Variants in PLA2G4A observed in about 807,000 individuals in gnomAD.
PLA2G4A encodes phospholipase A2 group IVA.
PLA2G4A carries 40 observed loss-of-function variants against 81.9 expected under a neutral mutation model. The ratio of observed to expected loss-of-function variants is 0.49; its 90% confidence interval spans 0.38 to 0.64. PLA2G4A has a LOEUF of 0.64. Among genes scored for constraint, PLA2G4A ranks in the 30% least tolerant of loss-of-function variants. The pLI, the probability that PLA2G4A is intolerant of heterozygous loss-of-function variation, is 0.00. For missense variants in PLA2G4A, 715 were observed against 905.1 expected, an observed-to-expected ratio of 0.79 and a Z score of 2.69; for synonymous variants, 302 against 296.9, an observed-to-expected ratio of 1.02 and a Z score of -0.18.
At chr1:186,874,140 GC>G (rs1159007712) in intron 3 of PLA2G4A, among the ~76,000 whole-genome samples, 1 of 152,090 alleles carries the variant, frequency 6.6e-6, no homozygotes, top group African/African-American at 2.4e-5. Flanking sequence ...CATGTTGGGT[GC>G]TAAATGTTGG....
intron 17 of PLA2G4A, among the ~76,000 whole-genome samples, chr1:186,982,684 CGT>C (rs944149124): frequency 1.0e-3 from 35 of 35,120 alleles, no homozygotes; most frequent in Non-Finnish European, 1.7e-3. Context: ...TGTGTGTGTG[CGT>C]GTGTGTGTGT....
intron 1 of PLA2G4A, among the ~76,000 whole-genome samples, chr1:186,847,130 A>G (rs1232400223): frequency 1.1e-5 from 1 of 91,146 alleles, no homozygotes; most frequent in Admixed American, 1.4e-4. Context: ...TTTGAACAAT[A>G]TAATATTTAT....
chr1:186,848,129 C>A (rs947799759), intron 1 of PLA2G4A, among the ~76,000 whole-genome samples: 9 of 152,080 alleles, frequency 5.9e-5, no homozygotes, highest in African/African-American at 2.2e-4. Context: ...AAGCCCCCAG[C>A]TGGAGTAGAG....
intron 7 of PLA2G4A, among the ~76,000 whole-genome samples, chr1:186,912,316 T>C (rs1002634475): frequency 2.6e-5 from 4 of 152,214 alleles, no homozygotes; most frequent in African/African-American, 9.6e-5. Context: ...CACATCATTA[T>C]CATCCAAGTC....
At chr1:186,925,048 A>AAAC (rs1356042427) in intron 7 of PLA2G4A, among the ~76,000 whole-genome samples, 1 of 152,038 alleles carries the variant, frequency 6.6e-6, no homozygotes, top group South Asian at 2.1e-4. Flanking sequence ...ATCTTGTCTC[A>AAAC]AACAACAACA....
rs141639270 is a variant in PLA2G4A, at chr1:186,831,624, C to T, written c.-70+2589C>T. ...TTCCCAGAATGATTAGTTTTTATAA[C>T]ACTATTGTTTATTATAAAGATAAAT... On this transcript the variant is annotated intron_variant, in intron 1 of 17. Coordinates refer to ENST00000367466, the MANE Select transcript of PLA2G4A (RefSeq NM_024420.3). Among the ~76,000 whole-genome samples the T allele has an allele frequency of 2.6e-3, 403 of 152,140 alleles. 1 individual carries two copies. Among genetic ancestry groups the T allele is most frequent in the African/African-American group, 9.2e-3 (381 of 41,528 alleles).
At chr1:186,898,933 C>T (rs1032960791) in intron 5 of PLA2G4A, among the ~76,000 whole-genome samples, 1 of 152,112 alleles carries the variant, frequency 6.6e-6, no homozygotes, top group Non-Finnish European at 1.5e-5. Context: ...TGACAAATAA[C>T]TATTGAGCCC....
chr1:186,857,930 A>C (rs1382714057), intron 2 of PLA2G4A, among the ~76,000 whole-genome samples: 1 of 151,962 alleles, frequency 6.6e-6, no homozygotes, highest in Non-Finnish European at 1.5e-5. Flanking sequence ...AAGGACATGA[A>C]CTCATCCTTT....
intron 4 of PLA2G4A, among the ~76,000 whole-genome samples, chr1:186,893,500 G>A (rs1571374328): frequency 6.6e-6 from 1 of 152,024 alleles, no homozygotes; most frequent in Non-Finnish European, 1.5e-5. Context: ...TATTTGTATC[G>A]ATTTTCTGCA....
At chr1:186,842,815 GC>G (rs1377825247) in intron 1 of PLA2G4A, among the ~76,000 whole-genome samples, 2 of 152,210 alleles carry the variant, frequency 1.3e-5, no homozygotes, top group African/African-American at 4.8e-5. Flanking sequence ...CATTGTTTAA[GC>G]CACTCGGTCT....
intron 7 of PLA2G4A, among the ~76,000 whole-genome samples, chr1:186,921,429 G>A (rs1007508407): frequency 3.9e-5 from 6 of 152,144 alleles, no homozygotes; most frequent in Admixed American, 3.9e-4. Context: ...TTTTCCAATT[G>A]AGGAGGTCAG....
chr1:186,888,545 G>A (rs140219971), intron 3 of PLA2G4A, among the ~76,000 whole-genome samples: 15 of 152,260 alleles, frequency 9.9e-5, no homozygotes, highest in African/African-American at 3.4e-4. Flanking sequence ...AATAATCTGG[G>A]TGACTGAGTT....
intron 3 of PLA2G4A, among the ~76,000 whole-genome samples, chr1:186,875,414 T>C (rs1002349778): frequency 6.6e-6 from 1 of 152,060 alleles, no homozygotes; most frequent in African/African-American, 2.4e-5. Flanking sequence ...ACCACAATTA[T>C]AATGTTAAAT....
chr1:186,892,225 TC>T, intron 3 of PLA2G4A, among the ~76,000 whole-genome samples: 1 of 152,270 alleles, frequency 6.6e-6, no homozygotes, highest in Middle Eastern at 3.4e-3. Flanking sequence ...AAATATTTTC[TC>T]CCATTCTGTG....
At chr1:186,932,294 C>CTTTT (rs67757094) in intron 7 of PLA2G4A, among the ~76,000 whole-genome samples, 13 of 138,548 alleles carry the variant, frequency 9.4e-5, no homozygotes, top group African/African-American at 2.1e-4. Context: ...TTTTCTTTTT[C>CTTTT]TTTTTTTTTT....
At chr1:186,835,752 T>C (rs1651756073) in intron 1 of PLA2G4A, among the ~76,000 whole-genome samples, 1 of 152,226 alleles carries the variant, frequency 6.6e-6, no homozygotes, top group Non-Finnish European at 1.5e-5. Context: ...TAAAATACTG[T>C]TATATCCCTG....
chr1:186,860,355 G>T (rs1049249143), intron 2 of PLA2G4A, among the ~76,000 whole-genome samples: 1 of 152,136 alleles, frequency 6.6e-6, no homozygotes, highest in Non-Finnish European at 1.5e-5. Context: ...TAGTCTGAAG[G>T]CCTGAGAACC....
intron 7 of PLA2G4A, among the ~76,000 whole-genome samples, chr1:186,914,591 G>A (rs1412100461): frequency 2.0e-5 from 3 of 152,120 alleles, no homozygotes; most frequent in Non-Finnish European, 2.9e-5. Context: ...GGGGCTGCAT[G>A]CACCAGTAAT....
In PLA2G4A at chr1:186,924,803, C is replaced by G. The variant is rs1039772784; in HGVS notation, c.559-7960C>G. On this transcript the variant is annotated intron_variant, in intron 7 of 17. Transcript: ENST00000367466. ...GATTCTCAGTCAGGGTGTGGTTGCT[C>G]TCACCTGTAATCCCAGCATTTTGGG... 2.6e-5 allele frequency among the ~76,000 whole-genome samples: 4 copies of G among 152,164 alleles called. No individual in the cohort carries two copies. In the East Asian group the frequency reaches 7.7e-4, roughly 29 times the overall value.
Sources: allele counts gnomAD v4.1 joint callset (sites outside exome capture counted in the v4.1 genomes callset), GRCh38; gene constraint gnomAD v4.1.1; transcripts MANE v1.5; gene names NCBI Gene and HGNC (gene_info 2026-07-23, HGNC 2026-07-21).